The following FOCAD variants were observed in gnomAD, a reference collection of about 807,000 sequenced individuals.
The protein encoded by FOCAD is KIAA1797.
Under a neutral mutation model 225.6 loss-of-function variants are expected in FOCAD, and 198 were observed. The ratio of observed to expected loss-of-function variants is 0.88; its 90% CI spans 0.78 to 0.99. The LOEUF is 0.99. Ranked by LOEUF, FOCAD falls within the 50% of genes least tolerant of loss-of-function variation. The pLI is 0.00. For synonymous variants in FOCAD, 897 were observed against 755.0 expected (o/e 1.19, Z -3.08); for missense variants, 2,713 against 2,123.6 (o/e 1.28, Z -5.46).
chr9:20,801,152 G>T (rs1361546633), intron 11 of FOCAD, among the ~76,000 whole-genome samples: 1 of 152,148 alleles, frequency 6.6e-6, no homozygotes, highest in East Asian at 1.9e-4. Context: ...AGCGGAGGCT[G>T]CAGAACAGCG....
At position 20,692,152 on chromosome 9, in the gene FOCAD, C is replaced by G. The variant is rs368191062; in HGVS notation, c.-33+7859C>G. ...CCTGACTCCGTATATCCAGTGACTA[C>G]TCAGCATTTTCTGTTTGGATGACTA... is the stretch of plus-strand genomic sequence containing the variant. On this transcript the variant is annotated intron_variant, in intron 1 of 43. Coordinates refer to ENST00000338382, the MANE Select transcript of FOCAD (RefSeq NM_001375567.1). 3.3e-5 allele frequency among the ~76,000 whole-genome samples: 5 copies of G among 152,292 alleles called. No individual in the cohort carries two copies. In the East Asian group the frequency reaches 7.7e-4, roughly 24 times the overall value.
rs746776742 is a variant in FOCAD, at chr9:20,948,377, G to C, written c.3782G>C (p.Arg1261Thr). ...LGSKLLPAWI[R>T]IVLTEGTPTM... ...AGCAAACTACTCCCTGCCTGGATCA[G>C]AATTGTTCTAACAGAGGTAGAGGTC... The change falls in exon 31 of 44, where the codon AGA (arginine) becomes ACA (threonine). Residue 1261 changes from arginine to threonine, a missense_variant. Coordinates refer to ENST00000338382, the MANE Select transcript of FOCAD (RefSeq NM_001375567.1). 23 of 1,612,148 alleles carry C rather than the reference G, an allele frequency of 1.4e-5. No homozygotes were observed. The highest frequency in any genetic ancestry group is 2.7e-5 in the African/African-American group (2 of 74,944).
intron 5 of FOCAD, among the ~76,000 whole-genome samples, chr9:20,755,201 C>A (rs973078502): frequency 6.6e-6 from 1 of 152,130 alleles, no homozygotes; most frequent in African/African-American, 2.4e-5. Context: ...CTGACATAAT[C>A]AATTATTTGG....
At chr9:20,768,453 C>G (rs940570432) in intron 7 of FOCAD, among the ~76,000 whole-genome samples, 1 of 151,722 alleles carries the variant, frequency 6.6e-6, no homozygotes, top group African/African-American at 2.4e-5. Context: ...TTCTTCCTAC[C>G]CATGAGCATG....
chr9:20,909,553 G>T (rs927848308), intron 22 of FOCAD, among the ~76,000 whole-genome samples: 1 of 152,082 alleles, frequency 6.6e-6, no homozygotes, highest in Non-Finnish European at 1.5e-5. Context: ...CTATTAAGGT[G>T]ATGGTTGGTA....
chr9:20,839,518 C>T (rs1190453331), intron 15 of FOCAD, among the ~76,000 whole-genome samples: 1 of 152,044 alleles, frequency 6.6e-6, no homozygotes. Context: ...GCTTAGGCCT[C>T]TCAAAGTGCT....
intron 24 of FOCAD, among the ~76,000 whole-genome samples, chr9:20,921,290 A>G (rs1225728682): frequency 6.6e-6 from 1 of 152,210 alleles, no homozygotes; most frequent in Non-Finnish European, 1.5e-5. Flanking sequence ...CTTTTTAATT[A>G]GGTTAATAAC....
intron 35 of FOCAD, among the ~76,000 whole-genome samples, chr9:20,964,798 T>C (rs1447794524): frequency 6.6e-6 from 1 of 152,134 alleles, no homozygotes; most frequent in Non-Finnish European, 1.5e-5. Flanking sequence ...CCTCCCAAAG[T>C]GCTGGGATTA....
At chr9:20,970,876 C>T (rs1476220419) in intron 35 of FOCAD, among the ~76,000 whole-genome samples, 2 of 152,178 alleles carry the variant, frequency 1.3e-5, no homozygotes, top group Non-Finnish European at 2.9e-5. Flanking sequence ...GATTTTATGA[C>T]ATTAAGCATT....
chr9:20,769,981 A>T, intron 7 of FOCAD, 51 bp from the exon 8 acceptor site: 2 of 1,499,436 alleles, frequency 1.3e-6, no homozygotes, highest in Non-Finnish European at 9.2e-7. Flanking sequence ...CTTTAAAATT[A>T]TCTTTTGGTT....
chr9:20,990,244 C>T lies in FOCAD; in HGVS notation c.5126C>T (p.Ala1709Val). 1 of 1,614,198 alleles carries T rather than the reference C, an allele frequency of 6.2e-7. No homozygotes were observed. The highest frequency in any genetic ancestry group is 1.1e-5 in the South Asian group (1 of 91,080). ...CCATGGCATCAGGAGAATGGCCCGGCTGGGCCAGTACCAAGCTTCCTTGGC... is the reference window on the plus strand; with the variant it reads ...CCATGGCATCAGGAGAATGGCCCGGTTGGGCCAGTACCAAGCTTCCTTGGC... Reference protein sequence around the residue: ...WLPWHQENGPAGPVPSFLGRS... With the variant: ...WLPWHQENGPVGPVPSFLGRS... The change falls in exon 42 of 44, where the codon GCT (alanine) becomes GTT (valine). Residue 1709 changes from alanine (A) to valine (V), a missense_variant. Physicochemically the swap from Ala to Val is moderately conservative, Grantham distance 64. Coordinates refer to ENST00000338382, the MANE Select transcript of FOCAD (RefSeq NM_001375567.1).
intron 1 of FOCAD, among the ~76,000 whole-genome samples, chr9:20,705,382 A>C (rs1330198220): frequency 6.6e-6 from 1 of 152,182 alleles, no homozygotes; most frequent in African/African-American, 2.4e-5. Flanking sequence ...GTACCATATT[A>C]ATATCTGCTA....
Position 20,866,931 on chromosome 9 carries a change from C to G in FOCAD, c.2109C>G (p.Asp703Glu), listed in dbSNP as rs1829333716. 3 of 499,346 alleles carry G rather than the reference C, an allele frequency of 6.0e-6. No individual in the cohort carries two copies. The highest frequency in any genetic ancestry group is 4.9e-5 in the East Asian group (1 of 20,486). The allele number at this position is 499,346 out of a possible 1,614,324, so 30.9% of individuals were successfully genotyped here. A position where few individuals can be genotyped will look rare whatever the true frequency, so the allele number is the denominator to read the frequency against. Residue 703 changes from aspartate to glutamate, a missense_variant and splice_region_variant, in exon 18 of 44, where the codon GAC becomes GAG. By Grantham distance (45) the Asp-to-Glu change is conservative. Transcript: ENST00000338382. ...TTTTTTTTTTTTACCCTATCTAGGA[C>G]CCAATTGTAGCAAATGCTGCATATA... ...SFLWTHTQNK[D>E]PIVANAAYRS...
chr9:20,794,413 GC>G (rs1820849328), intron 11 of FOCAD, among the ~76,000 whole-genome samples: 1 of 152,116 alleles, frequency 6.6e-6, no homozygotes, highest in Admixed American at 6.5e-5. Context: ...ATAATATAGA[GC>G]AAAAAGATGA....
chr9:20,729,514 C>A (rs1826495824), intron 4 of FOCAD, among the ~76,000 whole-genome samples: 1 of 152,152 alleles, frequency 6.6e-6, no homozygotes, highest in Non-Finnish European at 1.5e-5. Flanking sequence ...AGGTCACATT[C>A]ATAGGTACTG....
intron 17 of FOCAD, among the ~76,000 whole-genome samples, chr9:20,866,244 TA>T (rs1194070354): frequency 6.8e-6 from 1 of 147,536 alleles, no homozygotes; most frequent in Non-Finnish European, 1.5e-5. Flanking sequence ...CTTATATTTT[TA>T]TATGGTCTTT....
chr9:20,957,473 C>CTTTTTTTTTTTTTTTTT (rs1434022347), intron 35 of FOCAD: 3 of 49,462 alleles, frequency 6.1e-5, no homozygotes, highest in East Asian at 2.1e-3. Flanking sequence ...AACATCTTTT[C>CTTTTTTTTTTTTTTTTT]TTTTCTTTTT....
chr9:20,738,803 A>G (rs554469791), intron 4 of FOCAD, among the ~76,000 whole-genome samples: 3 of 152,350 alleles, frequency 2.0e-5, no homozygotes, highest in East Asian at 1.9e-4. Flanking sequence ...ATTTTCCAGT[A>G]GCCACATTAA....
chr9:20,854,087 G>A (rs923796609), intron 15 of FOCAD, among the ~76,000 whole-genome samples: 8 of 151,678 alleles, frequency 5.3e-5, no homozygotes, highest in African/African-American at 1.7e-4. Flanking sequence ...GGGCAAATAA[G>A]GCAGTTTTCA....
Sources: gnomAD v4.1 joint callset for allele counts (sites outside exome capture counted in the v4.1 genomes callset) on GRCh38, gnomAD v4.1.1 for gene constraint, MANE v1.5 for transcripts, NCBI Gene and HGNC (gene_info 2026-07-23, HGNC 2026-07-21) for gene names.